ZZZ3: variants seen among roughly 807,000 people sequenced by gnomAD.
The protein encoded by ZZZ3 is zinc finger ZZ-type containing 3.
Under a neutral mutation model 95.2 loss-of-function variants are expected in ZZZ3, and 22 were observed. That is an observed-to-expected ratio of 0.23 (90% CI 0.17 to 0.33). The LOEUF (loss-of-function observed/expected upper bound fraction) is 0.33. Ranked by LOEUF, ZZZ3 falls within the 10% of genes least tolerant of loss-of-function variation. The pLI, the probability that ZZZ3 is intolerant of heterozygous loss-of-function variation, is 1.00. For synonymous variants in ZZZ3, 335 were observed against 358.9 expected, an observed-to-expected ratio of 0.93 and a Z score of 0.75; for missense variants, 885 against 1,066.5, an observed-to-expected ratio of 0.83 and a Z score of 2.37.
At chr1:77,584,266 C>A (rs917887131) in intron 6 of ZZZ3, among the ~76,000 whole-genome samples, 13 of 152,102 alleles carry the variant, frequency 8.5e-5, no homozygotes, top group African/African-American at 3.1e-4. Flanking sequence ...AAAAAAATGG[C>A]TAAGGAATAG....
At chr1:77,579,065 A>G (rs1662248858) in intron 10 of ZZZ3, among the ~76,000 whole-genome samples, 196 bp from the exon 11 acceptor site, 1 of 152,246 alleles carries the variant, frequency 6.6e-6, no homozygotes, top group Non-Finnish European at 1.5e-5. Context: ...TTATTCAAGT[A>G]AATTTAAATT....
intron 12 of ZZZ3, among the ~76,000 whole-genome samples, chr1:77,575,196 A>G (rs1661805338): frequency 6.6e-6 from 1 of 152,220 alleles, no homozygotes; most frequent in South Asian, 2.1e-4. Context: ...AAAGAAAGAA[A>G]AAGAAAAAAA....
At chr1:77,572,803 A>T (rs952327051) in intron 12 of ZZZ3, among the ~76,000 whole-genome samples, 2 of 151,682 alleles carry the variant, frequency 1.3e-5, no homozygotes. Context: ...TGCCAGGCTG[A>T]TAATTTTTTC....
intron 6 of ZZZ3, among the ~76,000 whole-genome samples, chr1:77,582,553 T>C (rs892488135): frequency 1.6e-4 from 24 of 151,808 alleles, no homozygotes; most frequent in African/African-American, 5.8e-4. Flanking sequence ...CTAAATAAAA[T>C]AGGCAAATTG....
intron 5 of ZZZ3, among the ~76,000 whole-genome samples, chr1:77,608,349 T>C (rs947510741): frequency 6.6e-6 from 1 of 152,170 alleles, no homozygotes; most frequent in Non-Finnish European, 1.5e-5. Context: ...GAGAGTGGCA[T>C]GACAAACTTA....
chr1:77,604,684 C>T (rs944001170), intron 5 of ZZZ3, among the ~76,000 whole-genome samples: 2 of 152,170 alleles, frequency 1.3e-5, no homozygotes, highest in South Asian at 4.1e-4. Context: ...TACCACACCT[C>T]AAAATATTTC....
Position 77,566,137 on chromosome 1 carries a change from A to G in ZZZ3, c.2511T>C (p.His837=), listed in dbSNP as rs140092421. The change falls in exon 14 of 15, where the codon CAT becomes CAC. Residue 837 remains histidine (H), a synonymous_variant. Coordinates refer to ENST00000370801, the MANE Select transcript of ZZZ3 (RefSeq NM_015534.6). The part of the protein sequence containing the change: ...GIEPIQGVRW[H]CQDCPPEMSL... The stretch of plus-strand genomic sequence containing the variant: ...ACATTTCTGGAGGACAATCCTGGCA[A>G]TGCCACCGAACACCCTGGATGGGTT... 2.9e-5 allele frequency: 46 copies of G among 1,613,360 alleles called. No individual in the cohort carries two copies. Among genetic ancestry groups the G allele is most frequent in the Non-Finnish European group, 3.4e-5 (40 of 1,179,654 alleles).
At chr1:77,665,299 G>A (rs1444148078) in intron 1 of ZZZ3, among the ~76,000 whole-genome samples, 3 of 152,074 alleles carry the variant, frequency 2.0e-5, no homozygotes, top group Admixed American at 6.5e-5. Flanking sequence ...CCTAGACAAA[G>A]ACAGCTTCCA....
chr1:77,576,780 C>A (rs1436197645), intron 11 of ZZZ3, among the ~76,000 whole-genome samples: 4 of 90,834 alleles, frequency 4.4e-5, no homozygotes, highest in African/African-American at 1.3e-4. Flanking sequence ...AAAAAAACAA[C>A]AAAAAAAAAA....
chr1:77,619,485 C>G (rs1355875354), intron 5 of ZZZ3, among the ~76,000 whole-genome samples: 3 of 152,140 alleles, frequency 2.0e-5, no homozygotes, highest in Non-Finnish European at 4.4e-5. Flanking sequence ...TCCTTCAATT[C>G]AGTAAAGACA....
rs1288891979 is a variant in ZZZ3, at chr1:77,565,678, T to G, written c.2674A>C (p.Asn892His). 1 of 1,614,030 alleles carries G rather than the reference T, an allele frequency of 6.2e-7. No individual in the cohort carries two copies. The highest frequency in any genetic ancestry group is 2.2e-5 in the East Asian group (1 of 44,878). Residue 892 changes from asparagine to histidine, a missense_variant, in exon 15 of 15, where the codon AAT becomes CAT. Physicochemically the swap from Asn to His is moderately conservative, Grantham distance 68. This residue lies in a region of ZZZ3 where 221 missense variants were observed against 247.8 expected (regional missense o/e 0.89). Transcript: ENST00000370801. ...GGAAAGTAGTTTGGGTCAAGGTAAT[T>G]GTAACTGGTGCCCTGAGACACACAG... ...DYCVSQGTSY[N>H]YLDPNYFPAN...
chr1:77,586,338 G>A (rs1386632968), intron 5 of ZZZ3, among the ~76,000 whole-genome samples: 1 of 152,088 alleles, frequency 6.6e-6, no homozygotes, highest in African/African-American at 2.4e-5. Flanking sequence ...ACACACTTCG[G>A]TATCACTTTA....
Position 77,563,411 on chromosome 1 carries a change from G to A in ZZZ3, c.*2229C>T, listed in dbSNP as rs1379432696. On this transcript the variant is annotated 3_prime_UTR_variant, in exon 15 of 15. Coordinates refer to ENST00000370801, the MANE Select transcript of ZZZ3 (RefSeq NM_015534.6). The stretch of plus-strand genomic sequence containing the variant: ...AACTTCAGGGCCTTTTAAAGCCATG[G>A]GGGCTGTTTCCTTGGAGCTGAAAAA... The A allele has an allele frequency of 6.6e-6, 1 of 152,094 alleles. No homozygotes were observed. Among genetic ancestry groups the A allele is most frequent in the African/African-American group, 2.4e-5 (1 of 41,424 alleles). The allele number at this position is 152,094 out of a possible 1,614,324, so 9.4% of individuals were successfully genotyped here.
At chr1:77,635,656 G>A (rs147274122) in intron 4 of ZZZ3, among the ~76,000 whole-genome samples, 3 of 152,144 alleles carry the variant, frequency 2.0e-5, no homozygotes, top group Admixed American at 1.3e-4. Context: ...CTGTAATCCC[G>A]GTACTTTGGG....
chr1:77,579,810 G>A, intron 9 of ZZZ3, 182 bp from the exon 10 acceptor site: 2 of 389,102 alleles, frequency 5.1e-6, no homozygotes, highest in Non-Finnish European at 9.1e-6. Context: ...GACTTCACAG[G>A]GAACAATGAA....
intron 11 of ZZZ3, among the ~76,000 whole-genome samples, chr1:77,578,221 G>C (rs1465658628): frequency 6.6e-6 from 1 of 152,088 alleles, no homozygotes; most frequent in Non-Finnish European, 1.5e-5. Flanking sequence ...TTCAAGAATT[G>C]TAGAAAGGAT....
At chr1:77,587,647 A>G (rs1038747717) in intron 5 of ZZZ3, among the ~76,000 whole-genome samples, 2 of 152,228 alleles carry the variant, frequency 1.3e-5, no homozygotes, top group African/African-American at 2.4e-5. Context: ...GCATTCAGCT[A>G]CGCTTTAAGA....
At chr1:77,659,263 T>C (rs1670568851) in intron 1 of ZZZ3, among the ~76,000 whole-genome samples, 1 of 152,204 alleles carries the variant, frequency 6.6e-6, no homozygotes, top group South Asian at 2.1e-4. Flanking sequence ...TCAATGTAGC[T>C]TTAAGTGTTT....
In ZZZ3 at chr1:77,674,965, A is replaced by G. The variant is rs1055142136; in HGVS notation, c.-403+7620T>C. On this transcript the variant is annotated intron_variant, in intron 1 of 14. Transcript: ENST00000370801. ...AGACTCGGTCTCAAAAAAAAAAAAA[A>G]AAAGAAACATTACTGCAAAAACACC... Among the ~76,000 whole-genome samples, 7 of 152,020 alleles carry G rather than the reference A, an allele frequency of 4.6e-5. No individual in the cohort carries two copies. In the South Asian group the frequency reaches 1.5e-3, roughly 32 times the overall value.
Sources: gnomAD v4.1 joint callset for allele counts (sites outside exome capture counted in the v4.1 genomes callset) on GRCh38, gnomAD v4.1.1 for gene constraint, gnomAD v4.1.1 regional missense constraint, MANE v1.5 for transcripts, NCBI Gene and HGNC (gene_info 2026-07-23, HGNC 2026-07-21) for gene names.